Variants in CAMKMT observed in about 807,000 individuals in gnomAD.
CAMKMT encodes CaM KMT.
A neutral mutation model predicts 48.0 loss-of-function variants in CAMKMT; 53 were observed. That is an observed-to-expected ratio of 1.10 (90% CI 0.89 to 1.39). CAMKMT has a LOEUF of 1.39. CAMKMT is among the 40% of genes most tolerant of loss of function. CAMKMT has a pLI of 0.00. For synonymous variants in CAMKMT, 165 were observed against 152.3 expected, an observed-to-expected ratio of 1.08 and a Z score of -0.61; for missense variants, 428 against 402.7, an observed-to-expected ratio of 1.06 and a Z score of -0.54.
intron 3 of CAMKMT, among the ~76,000 whole-genome samples, chr2:44,523,385 C>T (rs1431775260): frequency 3.3e-5 from 5 of 151,400 alleles, no homozygotes; most frequent in Non-Finnish European, 5.9e-5. Flanking sequence ...CTCTGCCTCC[C>T]AGGTTCAAGC....
intron 3 of CAMKMT, among the ~76,000 whole-genome samples, chr2:44,431,891 A>G (rs567827163): frequency 1.3e-5 from 2 of 152,304 alleles, no homozygotes; most frequent in South Asian, 4.2e-4. Context: ...AGAAGAAATC[A>G]AGTACCCAAT....
chr2:44,435,921 G>C (rs1034962291), intron 3 of CAMKMT, among the ~76,000 whole-genome samples: 1 of 152,124 alleles, frequency 6.6e-6, no homozygotes, highest in Non-Finnish European at 1.5e-5. Context: ...GTCTCCCATA[G>C]TACGTCATTC....
intron 3 of CAMKMT, among the ~76,000 whole-genome samples, chr2:44,391,129 G>T (rs1681297667): frequency 6.6e-6 from 1 of 152,116 alleles, no homozygotes; most frequent in African/African-American, 2.4e-5. Flanking sequence ...CTGAATTTAG[G>T]TAGTGTCTTT....
intron 3 of CAMKMT, among the ~76,000 whole-genome samples, chr2:44,410,693 A>G (rs1683144056): frequency 6.6e-6 from 1 of 152,152 alleles, no homozygotes; most frequent in South Asian, 2.1e-4. Flanking sequence ...ATGCTAAAAG[A>G]CGGATATAGT....
intron 3 of CAMKMT, among the ~76,000 whole-genome samples, chr2:44,432,248 C>T (rs1684692995): frequency 1.3e-5 from 2 of 152,120 alleles, no homozygotes; most frequent in Admixed American, 1.3e-4. Flanking sequence ...ACCAGATACT[C>T]CTGTACTTGA....
chr2:44,709,457 G>C (rs942829258), intron 6 of CAMKMT, among the ~76,000 whole-genome samples: 4 of 152,018 alleles, frequency 2.6e-5, no homozygotes, highest in African/African-American at 4.8e-5. Context: ...GTTGTAACCA[G>C]ATCTAATTTT....
chr2:44,706,947 G>T (rs1294964133), intron 5 of CAMKMT, among the ~76,000 whole-genome samples: 1 of 151,938 alleles, frequency 6.6e-6, no homozygotes, highest in African/African-American at 2.4e-5. Flanking sequence ...ACAATGTGTC[G>T]AGGTTACAGC....
chr2:44,488,954 C>T (rs1257089444), intron 3 of CAMKMT, among the ~76,000 whole-genome samples: 2 of 151,716 alleles, frequency 1.3e-5, no homozygotes, highest in African/African-American at 2.4e-5. Flanking sequence ...CAGCCTTGAA[C>T]TCGTGGGCTC....
At chr2:44,417,608 A>G (rs763445312) in intron 3 of CAMKMT, among the ~76,000 whole-genome samples, 35 of 152,292 alleles carry the variant, frequency 2.3e-4, no homozygotes, top group Non-Finnish European at 3.7e-4. Context: ...ATAAGTGTAC[A>G]TTTAACTTTG....
At chr2:44,671,282 T>C (rs1026629623) in intron 3 of CAMKMT, among the ~76,000 whole-genome samples, 2 of 152,210 alleles carry the variant, frequency 1.3e-5, no homozygotes, top group African/African-American at 4.8e-5. Flanking sequence ...TGTCATCAGT[T>C]AGTCCCCTAA....
At chr2:44,517,810 A>G (rs1182652808) in intron 3 of CAMKMT, among the ~76,000 whole-genome samples, 2 of 152,216 alleles carry the variant, frequency 1.3e-5, no homozygotes, top group Non-Finnish European at 2.9e-5. Flanking sequence ...TATCACACCT[A>G]TTACTGAGTT....
chr2:44,474,334 C>T (rs1427430609), intron 3 of CAMKMT, among the ~76,000 whole-genome samples: 1 of 151,468 alleles, frequency 6.6e-6, no homozygotes, highest in African/African-American at 2.4e-5. Flanking sequence ...ATAATACCAG[C>T]TACTCGGGAG....
intron 3 of CAMKMT, among the ~76,000 whole-genome samples, chr2:44,448,276 GA>G (rs1297116503): frequency 3.3e-5 from 5 of 151,760 alleles, no homozygotes; most frequent in South Asian, 2.1e-4. Context: ...GCCTTTAGTT[GA>G]AAAAAAATCC....
intron 10 of CAMKMT, among the ~76,000 whole-genome samples, chr2:44,768,361 A>ATATATATTTT (rs35058824): frequency 8.6e-6 from 1 of 115,742 alleles, no homozygotes; most frequent in African/African-American, 3.7e-5. Flanking sequence ...ATATATATAT[A>ATATATATTTT]TTTTTTTTTT....
intron 3 of CAMKMT, among the ~76,000 whole-genome samples, chr2:44,463,698 C>T (rs570593501): frequency 2.2e-4 from 33 of 152,026 alleles, no homozygotes; most frequent in African/African-American, 6.5e-4. Flanking sequence ...CACAGACAGG[C>T]GCAAGAGGGA....
chr2:44,487,545 T>G (rs1347389300), intron 3 of CAMKMT, among the ~76,000 whole-genome samples: 2 of 152,240 alleles, frequency 1.3e-5, no homozygotes, highest in Non-Finnish European at 2.9e-5. Flanking sequence ...TAAGGACTGA[T>G]GTCTGTATCA....
intron 7 of CAMKMT, among the ~76,000 whole-genome samples, chr2:44,732,297 T>G (rs953262246): frequency 2.6e-5 from 4 of 152,206 alleles, no homozygotes; most frequent in African/African-American, 9.6e-5. Flanking sequence ...GATTATTGAT[T>G]TTGTAATGTT....
At chr2:44,389,718 A>G (rs1681137191) in intron 2 of CAMKMT, among the ~76,000 whole-genome samples, 1 of 152,246 alleles carries the variant, frequency 6.6e-6, no homozygotes, top group Non-Finnish European at 1.5e-5. Flanking sequence ...AATTAAAGGC[A>G]TTAGAATTAA....
chr2:44,757,242 G>A (rs532866053), intron 9 of CAMKMT, among the ~76,000 whole-genome samples: 1 of 152,306 alleles, frequency 6.6e-6, no homozygotes, highest in Non-Finnish European at 1.5e-5. Context: ...GCCTAGTGTG[G>A]CCCTAACAGG....
Sources: allele counts gnomAD v4.1 joint callset (sites outside exome capture counted in the v4.1 genomes callset), GRCh38; gene constraint gnomAD v4.1.1; transcripts MANE v1.5; gene names NCBI Gene and HGNC (gene_info 2026-07-23, HGNC 2026-07-21).